ABCB1: variants seen among roughly 807,000 people sequenced by gnomAD.
ABCB1 encodes the protein ATP-dependent translocase ABCB1.
Under a neutral mutation model 142.0 loss-of-function variants are expected in ABCB1, and 69 were observed. That is an observed-to-expected ratio of 0.49 (90% confidence interval 0.40 to 0.59). The LOEUF is 0.59. Ranked by LOEUF, ABCB1 falls within the 20% of genes least tolerant of loss-of-function variation. The pLI is 0.00. For missense variants in ABCB1, 1,326 were observed against 1,554.7 expected (o/e 0.85, Z 2.47); for synonymous variants, 532 against 539.2 (o/e 0.99, Z 0.18).
At chr7:87,704,257 A>C (rs1208038374) in intron 1 of ABCB1, among the ~76,000 whole-genome samples, 1 of 152,108 alleles carries the variant, frequency 6.6e-6, no homozygotes, top group Non-Finnish European at 1.5e-5. Context: ...TGGCTTAAGA[A>C]TTATATCTAC....
At chr7:87,586,079 G>A (rs1304677054) in intron 3 of ABCB1, among the ~76,000 whole-genome samples, 1 of 152,160 alleles carries the variant, frequency 6.6e-6, no homozygotes. Flanking sequence ...AGGATACCAT[G>A]GAGGAAACAT....
chr7:87,694,646 G>C (rs1157545130), intron 1 of ABCB1, among the ~76,000 whole-genome samples: 1 of 152,046 alleles, frequency 6.6e-6, no homozygotes, highest in Non-Finnish European at 1.5e-5. Context: ...CATTATACTT[G>C]ATTTCTTCAG....
intron 3 of ABCB1, among the ~76,000 whole-genome samples, chr7:87,592,167 A>C (rs1366320162): frequency 6.6e-6 from 1 of 152,202 alleles, no homozygotes; most frequent in Admixed American, 6.5e-5. Flanking sequence ...CATGAAGGGC[A>C]TCAGTGCCTT....
intron 1 of ABCB1, among the ~76,000 whole-genome samples, chr7:87,628,161 A>T (rs1285086012): frequency 6.6e-6 from 1 of 152,092 alleles, no homozygotes; most frequent in East Asian, 1.9e-4. Flanking sequence ...GGGGCCCCGC[A>T]TCCCACAATC....
At chr7:87,509,924 A>G (rs913333501) in intron 25 of ABCB1, among the ~76,000 whole-genome samples, 3 of 152,216 alleles carry the variant, frequency 2.0e-5, no homozygotes, top group Non-Finnish European at 2.9e-5. Flanking sequence ...GGAGAAGAGT[A>G]TCAGCAAATG....
intron 1 of ABCB1, among the ~76,000 whole-genome samples, chr7:87,668,955 T>G (rs1191847853): frequency 1.3e-5 from 2 of 152,044 alleles, no homozygotes; most frequent in Admixed American, 1.3e-4. Flanking sequence ...TATTCTGGTG[T>G]TTTTTGGTGG....
At chr7:87,690,011 A>G (rs1827866264) in intron 1 of ABCB1, among the ~76,000 whole-genome samples, 1 of 152,004 alleles carries the variant, frequency 6.6e-6, no homozygotes, top group South Asian at 2.1e-4. Context: ...TAAATTTTTT[A>G]TAGAGACAGA....
intron 8 of ABCB1, among the ~76,000 whole-genome samples, chr7:87,555,292 C>T (rs1355040307): frequency 6.6e-6 from 1 of 152,120 alleles, no homozygotes; most frequent in East Asian, 1.9e-4. Context: ...AGAGCATTGC[C>T]TTGGATAGAG....
intron 1 of ABCB1, among the ~76,000 whole-genome samples, chr7:87,646,558 G>C (rs1823023273): frequency 6.6e-6 from 1 of 152,110 alleles, no homozygotes; most frequent in South Asian, 2.1e-4. Context: ...TGCAGAGTTA[G>C]CTTTCTTATT....
chr7:87,652,647 G>T (rs905353526), intron 1 of ABCB1, among the ~76,000 whole-genome samples: 37 of 112,556 alleles, frequency 3.3e-4, no homozygotes, highest in African/African-American at 1.4e-3. Flanking sequence ...TATATATATA[G>T]TAGGAAGTAT....
chr7:87,641,217 A>G (rs980458891), intron 1 of ABCB1, among the ~76,000 whole-genome samples: 2 of 152,232 alleles, frequency 1.3e-5, no homozygotes, highest in East Asian at 1.9e-4. Context: ...CATAGTATAC[A>G]GTAGAAATAG....
At chr7:87,607,039 T>C (rs936621933) in intron 1 of ABCB1, among the ~76,000 whole-genome samples, 1 of 152,174 alleles carries the variant, frequency 6.6e-6, no homozygotes, top group African/African-American at 2.4e-5. Context: ...CTTACCCATG[T>C]TTCTAAGAAA....
chr7:87,624,548 A>G lies in ABCB1; in HGVS notation c.-330-23470T>C, dbSNP rs369031930. On this transcript the variant is annotated intron_variant, in intron 1 of 28. Transcript: ENST00000265724. ...GCCCATTCGGTTCTACAGAATTCCTATAAGTTAATTTAGGTATCTACTGTT... is the reference window on the plus strand; with the variant it reads ...GCCCATTCGGTTCTACAGAATTCCTGTAAGTTAATTTAGGTATCTACTGTT... Among the ~76,000 whole-genome samples, 6 of 152,230 alleles carry G rather than the reference A, an allele frequency of 3.9e-5. No homozygotes were observed. In the East Asian group the frequency reaches 5.8e-4, roughly 15 times the overall value.
chr7:87,709,466 A>G (rs1473378372), intron 1 of ABCB1: 1 of 985,404 alleles, frequency 1.0e-6, no homozygotes, highest in Non-Finnish European at 1.2e-6. Flanking sequence ...AGAAGGAACA[A>G]TGGACTGAGC....
At chr7:87,549,596 A>G (rs41309219) in intron 13 of ABCB1, 78 bp from the exon 14 acceptor site, 2 of 1,599,846 alleles carry the variant, frequency 1.3e-6, no homozygotes, top group South Asian at 1.1e-5. Context: ...AAGGAATCCT[A>G]TACACAGCCC....
chr7:87,553,625 CT>C (rs566220975), intron 9 of ABCB1, 135 bp downstream of exon 9: 2 of 993,582 alleles, frequency 2.0e-6, no homozygotes, highest in South Asian at 3.0e-5. Flanking sequence ...TGGCCTTCCA[CT>C]TTTTAACCTA....
At chr7:87,702,214 T>A (rs1829147136) in intron 1 of ABCB1, among the ~76,000 whole-genome samples, 1 of 149,456 alleles carries the variant, frequency 6.7e-6, no homozygotes, top group Admixed American at 6.6e-5. Flanking sequence ...GGAAAAATAG[T>A]TATTTTTCAT....
Position 87,515,479 on chromosome 7 carries a change from A to G in ABCB1, c.3085-51T>C. On this transcript the variant is annotated intron_variant, in intron 24 of 27. Transcript: ENST00000622132. ...TTTGAATGCTGCAATACTGAAAATA[A>G]AGTGTATAGCTAACTCTCTCGATTA... 6 of 1,542,484 alleles carry G rather than the reference A, an allele frequency of 3.9e-6. No homozygotes were observed. In the South Asian group the frequency reaches 6.8e-5, roughly 17 times the overall value.
At chr7:87,622,407 T>C (rs749575561) in intron 1 of ABCB1, among the ~76,000 whole-genome samples, 5 of 151,852 alleles carry the variant, frequency 3.3e-5, no homozygotes, top group Non-Finnish European at 5.9e-5. Context: ...TGCAGAAAAA[T>C]AAAAAGAACA....
Sources: allele counts gnomAD v4.1 joint callset (sites outside exome capture counted in the v4.1 genomes callset), GRCh38; gene constraint gnomAD v4.1.1; transcripts MANE v1.5; gene names NCBI Gene and HGNC (gene_info 2026-07-23, HGNC 2026-07-21).